Variants in SAC3D1 observed in about 807,000 individuals in gnomAD.
SAC3D1 encodes the protein SAC3 domain-containing protein 1.
Under a neutral mutation model 12.7 loss-of-function variants are expected in SAC3D1, and 10 were observed. The observed-to-expected ratio is 0.79, with a 90% CI of 0.49 to 1.34. The LOEUF (loss-of-function observed/expected upper bound fraction) is 1.34. Ranked by LOEUF, SAC3D1 falls within the 40% of genes most tolerant of loss-of-function variation. SAC3D1 has a pLI of 0.00. For missense variants in SAC3D1, 482 were observed against 531.1 expected (o/e 0.91, Z 0.91); for synonymous variants, 241 against 250.8 (o/e 0.96, Z 0.37).
chr11:65,041,558 G>C lies in SAC3D1; in HGVS notation c.266G>C (p.Ser89Thr), dbSNP rs990773041. 1.8e-5 allele frequency: 27 copies of C among 1,478,460 alleles called. No individual in the cohort carries two copies. In the Middle Eastern group the frequency reaches 8.2e-4, roughly 45 times the overall value. The allele number at this position is 1,478,460 out of a possible 1,614,324, so 91.6% of individuals were successfully genotyped here. A position where few individuals can be genotyped will look rare whatever the true frequency, so the allele number is the denominator to read the frequency against. ...TACCTGGCCGGTGAGGTGGCGGAGA[G>C]CGCCGACATCGCCCGCGCCGAGGTG... The part of the protein sequence containing the change: ...VRYLAGEVAE[S>T]ADIARAEVAS... Residue 89 changes from serine to threonine, a missense_variant, in exon 1 of 2, where the codon AGC becomes ACC. Physicochemically the swap from Ser to Thr is moderately conservative, Grantham distance 58. Coordinates refer to ENST00000652489, the MANE Select transcript of SAC3D1 (RefSeq NM_013299.4).
At chr11:65,041,915 C>G in intron 1 of SAC3D1, 49 bp downstream of exon 1, 1 of 1,347,218 alleles carries the variant, frequency 7.4e-7, no homozygotes, top group South Asian at 1.7e-5. Context: ...CAGGAGCCCA[C>G]CATGACAGTG....
intron 1 of SAC3D1, chr11:65,042,950 C>G (rs1233584488): frequency 2.9e-6 from 1 of 350,844 alleles, no homozygotes; most frequent in Non-Finnish European, 5.8e-6. Flanking sequence ...ATCCTTCTGC[C>G]TCAGCCTTCC....
chr11:65,041,736 C>T lies in SAC3D1; in HGVS notation c.444C>T (p.Pro148=). ...ARLGPDAARG[P]ADPVLLQAQV... is the part of the protein sequence containing the mutation. ...TCGGGCCCGACGCGGCGCGGGGACC[C>T]GCGGACCCGGTGCTGCTGCAGGCCC... Residue 148 remains proline, a synonymous_variant, in exon 1 of 2, where the codon CCC becomes CCT. Coordinates refer to ENST00000652489, the MANE Select transcript of SAC3D1 (RefSeq NM_013299.4). 2 of 1,309,510 alleles carry T rather than the reference C, an allele frequency of 1.5e-6. No individual in the cohort carries two copies. The highest frequency in any genetic ancestry group is 1.9e-6 in the Non-Finnish European group (2 of 1,036,660). The allele number at this position is 1,309,510 out of a possible 1,614,324, so 81.1% of individuals were successfully genotyped here. A position where few individuals can be genotyped will look rare whatever the true frequency, so the allele number is the denominator to read the frequency against.
In SAC3D1 at chr11:65,041,392, G is replaced by T; in HGVS notation, c.100G>T (p.Val34Leu). ...GGAGCACCGCCTGCACCGCTTGGAG[G>T]TGGTGCCGGGTTGCCGCCAGGACCC... The part of the protein sequence containing the change: ...EREHRLHRLE[V>L]VPGCRQDPPR... The change falls in exon 1 of 2, where the codon GTG becomes TTG. Residue 34 changes from valine (V) to leucine (L), a missense_variant. Physicochemically the swap from Val to Leu is conservative, Grantham distance 32 (BLOSUM62 1). This residue lies in a region of SAC3D1 where 197 missense variants were observed against 183.2 expected (regional missense o/e 1.08). Coordinates refer to ENST00000652489, the MANE Select transcript of SAC3D1 (RefSeq NM_013299.4). 1 of 1,507,662 alleles carries T rather than the reference G, an allele frequency of 6.6e-7. No homozygotes were observed. The highest frequency in any genetic ancestry group is 8.8e-7 in the Non-Finnish European group (1 of 1,135,104). 93.4% of individuals were successfully genotyped at this position (1,507,662 alleles called of 1,614,324 possible).
At chr11:65,041,155 T>C (rs1413284863), upstream of SAC3D1, 5 of 859,652 alleles carry the variant, frequency 5.8e-6, no homozygotes, top group Non-Finnish European at 8.7e-6. Context: ...CCGGGGATCA[T>C]GGCGGGAAGG....
rs770834599 is a variant in SAC3D1, at chr11:65,044,651, G to A, written c.1001G>A (p.Arg334Gln). The part of the protein sequence containing the change: ...TCKVLVESKL[R>Q]GRTLEEVVMA... ...AAGGTGTTAGTGGAGAGCAAACTTC[G>A]AGGACGTACCCTGGAGGAGGTGGTC... Residue 334 changes from arginine to glutamine, a missense_variant, in exon 2 of 2, where the codon CGA (arginine) becomes CAA (glutamine). Physicochemically the swap from Arg to Gln is conservative, Grantham distance 43. Transcript: ENST00000652489. The surrounding 1 kb of genome is among the most constrained non-coding windows in gnomAD (Gnocchi z 4.0). 3.1e-6 allele frequency: 5 copies of A among 1,613,678 alleles called. No homozygotes were observed. The highest frequency in any genetic ancestry group is 2.7e-5 in the African/African-American group (2 of 74,914).
At chr11:65,042,161 G>A (rs185195118) in intron 1 of SAC3D1, among the ~76,000 whole-genome samples, 1 of 151,610 alleles carries the variant, frequency 6.6e-6, no homozygotes, top group Non-Finnish European at 1.5e-5. Context: ...GCAGTGGCGC[G>A]ATCTCGGCTC....
At chr11:65,041,208 C>G (rs751977141), upstream of SAC3D1, 8 of 1,216,244 alleles carry the variant, frequency 6.6e-6, no homozygotes, top group South Asian at 8.7e-5. Flanking sequence ...CGCCGCTCCC[C>G]ACCCCCCGGC....
chr11:65,040,988 C>T, upstream of SAC3D1: 3 of 470,234 alleles, frequency 6.4e-6, no homozygotes, highest in Non-Finnish European at 1.1e-5. Context: ...AAGGGGAGCG[C>T]GCGAAGCTGA....
chr11:65,041,469 C>T lies in SAC3D1; in HGVS notation c.177C>T (p.Ala59=). ...TGAAGGAGTACAGCCGACCCGCCGCCGGCAAGCCCCGGCCCCCGCCCAGCC... is the reference window on the plus strand; with the variant it reads ...TGAAGGAGTACAGCCGACCCGCCGCTGGCAAGCCCCGGCCCCCGCCCAGCC... ...RAVKEYSRPA[A]GKPRPPPSQL... The change falls in exon 1 of 2, where the codon GCC becomes GCT. Residue 59 remains alanine, a synonymous_variant. Coordinates refer to ENST00000652489, the MANE Select transcript of SAC3D1 (RefSeq NM_013299.4). 1 of 1,478,450 alleles carries T rather than the reference C, an allele frequency of 6.8e-7. No individual in the cohort carries two copies. The highest frequency in any genetic ancestry group is 8.9e-7 in the Non-Finnish European group (1 of 1,121,040). The allele number at this position is 1,478,450 out of a possible 1,614,324, so 91.6% of individuals were successfully genotyped here.
In SAC3D1 at chr11:65,041,479, C is replaced by G. The variant is rs1232343397; in HGVS notation, c.187C>G (p.Arg63Gly). Reference protein sequence around the residue: ...EYSRPAAGKPRPPPSQLRPPS... With the variant: ...EYSRPAAGKPGPPPSQLRPPS... ...CAGCCGACCCGCCGCCGGCAAGCCCCGGCCCCCGCCCAGCCAGTTGCGTCC... is the reference window on the plus strand; with the variant it reads ...CAGCCGACCCGCCGCCGGCAAGCCCGGGCCCCCGCCCAGCCAGTTGCGTCC... Residue 63 changes from arginine (R) to glycine (G), a missense_variant, in exon 1 of 2, where the codon CGG becomes GGG. Arg to Gly is a moderately radical substitution (Grantham distance 125). This residue lies in a region of SAC3D1 where 197 missense variants were observed against 183.2 expected (regional missense o/e 1.08). Coordinates refer to ENST00000652489, the MANE Select transcript of SAC3D1 (RefSeq NM_013299.4). 6.8e-7 allele frequency: 1 copy of G among 1,474,088 alleles called. No individual in the cohort carries two copies. The highest frequency in any genetic ancestry group is 8.9e-7 in the Non-Finnish European group (1 of 1,118,996). The allele number at this position is 1,474,088 out of a possible 1,614,324, so 91.3% of individuals were successfully genotyped here.
Position 65,044,222 on chromosome 11 carries a change from C to CA in SAC3D1, c.575-2dup, listed in dbSNP as rs780736666. ...TCCTCATTCTGGCTTCCCGCTCTCA[C>CA]AGGCTCGGTGGAAGCCCTGCATGAG... is the stretch of plus-strand genomic sequence containing the variant. On this transcript the variant is annotated splice_region_variant and splice_polypyrimidine_tract_variant and intron_variant, in intron 1 of 1. Coordinates refer to ENST00000652489, the MANE Select transcript of SAC3D1 (RefSeq NM_013299.4). This position sits in a 1 kb window ranked among gnomAD's most constrained non-coding sequence, Gnocchi z 4.0. 23 of 1,611,530 alleles carry CA rather than the reference C, an allele frequency of 1.4e-5. 1 individual carries two copies. In the African/African-American group the frequency reaches 2.5e-4, roughly 18 times the overall value.
chr11:65,041,999 AGCCCCGACGTGG>A, intron 1 of SAC3D1, 133 bp downstream of exon 1: 1 of 1,187,324 alleles, frequency 8.4e-7, no homozygotes, highest in African/African-American at 1.6e-5. Context: ...AGATCCACCG[AGCCCCGACGTGG>A]GACCTCGGGC....
chr11:65,041,622 G>A lies in SAC3D1; in HGVS notation c.330G>A (p.Leu110=), dbSNP rs1225029259. 1 of 1,460,858 alleles carries A rather than the reference G, an allele frequency of 6.8e-7. No individual in the cohort carries two copies. Among genetic ancestry groups the A allele is most frequent in the Non-Finnish European group, 9.0e-7 (1 of 1,110,788 alleles). 90.5% of individuals were successfully genotyped at this position (1,460,858 alleles called of 1,614,324 possible). ...CAGACCGCTTGCGAGCTGTGCTCCT[G>A]GACCTGGCGCTGCAGGGAGCGGGCG... ...FVADRLRAVL[L]DLALQGAGDA... Residue 110 remains leucine (L), a synonymous_variant, in exon 1 of 2, where the codon CTG becomes CTA. Transcript: ENST00000652489.
chr11:65,041,684 C>T lies in SAC3D1; in HGVS notation c.392C>T (p.Ala131Val), dbSNP rs1251300004. The part of the protein sequence containing the change: ...EAAVVLEAAL[A>V]TLLTVVARLG... ...GCTGTGGTGCTGGAGGCGGCGCTGG[C>T]CACGCTGCTGACCGTAGTGGCGCGG... The change falls in exon 1 of 2, where the codon GCC (alanine) becomes GTC (valine). Residue 131 changes from alanine to valine, a missense_variant. By Grantham distance (64) the Ala-to-Val change is moderately conservative. Transcript: ENST00000652489. 3 of 1,382,128 alleles carry T rather than the reference C, an allele frequency of 2.2e-6. No homozygotes were observed. Among genetic ancestry groups the T allele is most frequent in the South Asian group, 1.6e-5 (1 of 61,862 alleles). 85.6% of individuals were successfully genotyped at this position (1,382,128 alleles called of 1,614,324 possible).
Position 65,044,527 on chromosome 11 carries a change from C to T in SAC3D1, c.877C>T (p.Leu293=), listed in dbSNP as rs770199505. 1 of 1,614,216 alleles carries T rather than the reference C, an allele frequency of 6.2e-7. No individual in the cohort carries two copies. The highest frequency in any genetic ancestry group is 8.5e-7 in the Non-Finnish European group (1 of 1,180,042). ...ALDGLREARD[L]CQAHGLPLDG... is the part of the protein sequence containing the mutation. ...GGATGGACTCAGGGAAGCACGGGAC[C>T]TGTGCCAGGCCCACGGGCTGCCCTT... Residue 293 remains leucine (L), a synonymous_variant, in exon 2 of 2, where the codon CTG becomes TTG. Coordinates refer to ENST00000652489, the MANE Select transcript of SAC3D1 (RefSeq NM_013299.4). The surrounding 1 kb of genome is among the most constrained non-coding windows in gnomAD (Gnocchi z 4.0).
chr11:65,044,605 C>G lies in SAC3D1; in HGVS notation c.955C>G (p.Leu319Val). 6.2e-7 allele frequency: 1 copy of G among 1,614,038 alleles called. No homozygotes were observed. Among genetic ancestry groups the G allele is most frequent in the Non-Finnish European group, 8.5e-7 (1 of 1,180,026 alleles). The change falls in exon 2 of 2, where the codon CTA (leucine) becomes GTA (valine). Residue 319 changes from leucine (L) to valine (V), a missense_variant. By Grantham distance (32) the Leu-to-Val change is conservative. Around this residue, in one of 3 missense-constraint regions of SAC3D1, gnomAD observed 225 missense variants for 241.1 expected, o/e 0.93. Transcript: ENST00000652489. The surrounding 1 kb of genome is among the most constrained non-coding windows in gnomAD (Gnocchi z 4.0). ...GAGGGGTCGCTACGTGGAGGAAGGGCTACCGCCTGCCAGTACGTGCAAGGT... is the reference window on the plus strand; with the variant it reads ...GAGGGGTCGCTACGTGGAGGAAGGGGTACCGCCTGCCAGTACGTGCAAGGT... ...FLRGRYVEEG[L>V]PPASTCKVLV...
At position 65,041,634 on chromosome 11, in the gene SAC3D1, G is replaced by T. The variant is rs754422546; in HGVS notation, c.342G>T (p.Leu114=). The part of the protein sequence containing the change: ...RLRAVLLDLA[L]QGAGDAEAAV... ...GAGCTGTGCTCCTGGACCTGGCGCT[G>T]CAGGGAGCGGGCGACGCCGAGGCAG... The change falls in exon 1 of 2, where the codon CTG becomes CTT. Residue 114 remains leucine, a synonymous_variant. Coordinates refer to ENST00000652489, the MANE Select transcript of SAC3D1 (RefSeq NM_013299.4). The T allele has an allele frequency of 6.9e-7, 1 of 1,450,702 alleles. No individual in the cohort carries two copies. Among genetic ancestry groups the T allele is most frequent in the Non-Finnish European group, 9.0e-7 (1 of 1,105,054 alleles). The allele number at this position is 1,450,702 out of a possible 1,614,324, so 89.9% of individuals were successfully genotyped here.
chr11:65,041,479 C>A lies in SAC3D1; in HGVS notation c.187C>A (p.Arg63=). 1 of 1,474,088 alleles carries A rather than the reference C, an allele frequency of 6.8e-7. No homozygotes were observed. 91.3% of individuals were successfully genotyped at this position (1,474,088 alleles called of 1,614,324 possible). The change falls in exon 1 of 2, where the codon CGG becomes AGG. Residue 63 remains arginine, a synonymous_variant. Transcript: ENST00000652489. The stretch of plus-strand genomic sequence containing the variant: ...CAGCCGACCCGCCGCCGGCAAGCCC[C>A]GGCCCCCGCCCAGCCAGTTGCGTCC... ...EYSRPAAGKP[R]PPPSQLRPPS... is the part of the protein sequence containing the mutation.
Sources: allele counts gnomAD v4.1 joint callset (sites outside exome capture counted in the v4.1 genomes callset), GRCh38; gene constraint gnomAD v4.1.1; regional missense constraint gnomAD v4.1.1; non-coding constraint Gnocchi (gnomAD v3.1); transcripts MANE v1.5; gene names NCBI Gene and HGNC (gene_info 2026-07-23, HGNC 2026-07-21).